Variants in TMPRSS13 observed in about 807,000 individuals in gnomAD.
TMPRSS13 encodes transmembrane serine protease 13, also known as transmembrane protease serine 13.
A neutral mutation model predicts 68.4 loss-of-function variants in TMPRSS13; 50 were observed. That is an observed-to-expected ratio of 0.73 (90% CI 0.58 to 0.93). TMPRSS13 has a LOEUF of 0.93. TMPRSS13 is among the 40% of genes least tolerant of loss of function. The pLI, the probability that TMPRSS13 is intolerant of heterozygous loss-of-function variation, is 0.00. For missense variants in TMPRSS13, 615 were observed against 729.2 expected (o/e 0.84, Z 1.80); for synonymous variants, 267 against 285.8 (o/e 0.93, Z 0.66).
rs149111388 is a variant in TMPRSS13, at chr11:117,924,716, G to A, written c.21+4571C>T. ...TGGGTGACTTTTTTCCCTTTCTCAC[G>A]GCTAGACCCAGGCTTCACTGTACCT... On this transcript the variant is annotated intron_variant, in intron 1 of 12. Transcript: ENST00000524993. 3.2e-3 allele frequency among the ~76,000 whole-genome samples: 486 copies of A among 152,102 alleles called. 2 individuals are homozygous for A. Among genetic ancestry groups the A allele is most frequent in the Middle Eastern group, 0.017 (5 of 294 alleles).
At position 117,903,955 on chromosome 11, in the gene TMPRSS13, T is replaced by G. The variant is rs377543493; in HGVS notation, c.1524+4A>C. 43 of 1,610,612 alleles carry G rather than the reference T, an allele frequency of 2.7e-5. No individual in the cohort carries two copies. Among genetic ancestry groups the G allele is most frequent in the Middle Eastern group, 1.7e-4 (1 of 6,054 alleles). On this transcript the variant is annotated splice_donor_region_variant and intron_variant, in intron 11 of 12. Transcript: ENST00000524993. The stretch of plus-strand genomic sequence containing the variant: ...ACCTGAGCCCCACCCACAGGTACCC[T>G]CACCTGGCAGGAGTCTCTGCCCCCA...
intron 1 of TMPRSS13, among the ~76,000 whole-genome samples, chr11:117,925,701 G>A (rs2057698444): frequency 6.6e-6 from 1 of 152,208 alleles, no homozygotes; most frequent in African/African-American, 2.4e-5. Flanking sequence ...CCTCATGCCT[G>A]CACCACCAGT....
At position 117,918,839 on chromosome 11, in the gene TMPRSS13, C is replaced by T. The variant is rs753098191; in HGVS notation, c.22-1G>A. 8 of 1,613,406 alleles carry T rather than the reference C, an allele frequency of 5.0e-6. No individual in the cohort carries two copies. The Admixed American group carries it at 1.3e-4, about 27-fold the overall frequency. On this transcript the variant is annotated splice_acceptor_variant, in intron 1 of 12. Coordinates refer to ENST00000524993, the MANE Select transcript of TMPRSS13 (RefSeq NM_001077263.3). LOFTEE classifies it high-confidence loss of function. ...AAGGTGTTCTTGCTGGAGATGCATT[C>T]TGAAAGCAGATCGAAGAGTATCCCA...
chr11:117,918,322 A>T, intron 2 of TMPRSS13, 87 bp downstream of exon 2: 3 of 1,429,962 alleles, frequency 2.1e-6, no homozygotes, highest in Non-Finnish European at 2.9e-6. Flanking sequence ...GTCTGCTATG[A>T]GAGCAGAGCA....
intron 3 of TMPRSS13, 88 bp downstream of exon 3, chr11:117,917,082 A>G (rs1591626083): frequency 9.2e-6 from 10 of 1,085,242 alleles, no homozygotes; most frequent in Non-Finnish European, 1.1e-5. Context: ...TGCTCCCCAC[A>G]CCTGTCTCCC....
At chr11:117,923,285 C>T (rs1014883967) in intron 1 of TMPRSS13, among the ~76,000 whole-genome samples, 7 of 152,196 alleles carry the variant, frequency 4.6e-5, no homozygotes, top group African/African-American at 1.2e-4. Flanking sequence ...CCCCCTGAGG[C>T]GAATGGGATG....
At position 117,921,311 on chromosome 11, in the gene TMPRSS13, C is replaced by T. The variant is rs116387818; in HGVS notation, c.22-2473G>A. Among the ~76,000 whole-genome samples, 855 of 152,224 alleles carry T rather than the reference C, an allele frequency of 5.6e-3. 10 individuals carry two copies. The highest frequency in any genetic ancestry group is 0.019 in the African/African-American group (795 of 41,564). On this transcript the variant is annotated intron_variant, in intron 1 of 12. Coordinates refer to ENST00000524993, the MANE Select transcript of TMPRSS13 (RefSeq NM_001077263.3). ...TATGTGATTTGATTCTCACAAGTCT[C>T]TCAGTTAGCAAGCTGGGCAGGAATT... is the stretch of plus-strand genomic sequence containing the variant.
chr11:117,907,897 G>GTGAA (rs35539867), intron 9 of TMPRSS13: 824,594 of 893,878 alleles, frequency 0.92, 381,115 homozygotes, highest in Non-Finnish European at 0.94. Context: ...TGAATGATGA[G>GTGAA]TGAATGAATG....
Position 117,903,657 on chromosome 11 carries a change from C to T in TMPRSS13, c.1675G>A (p.Glu559Lys), listed in dbSNP as rs766599638. The change falls in exon 12 of 13, where the codon GAG (glutamate) becomes AAG (lysine). Residue 559 changes from glutamate (E) to lysine (K), a missense_variant and splice_region_variant. Coordinates refer to ENST00000524993, the MANE Select transcript of TMPRSS13 (RefSeq NM_001077263.3). ...EVLPWIYSKMESEVRFRKS is the reference protein window; with the variant it reads ...EVLPWIYSKMKSEVRFRKS ...GTGTCCTGCTGCAGGGATCTTACCT[C>T]CATCTTGCTGTAAATCCAGGGAAGA... 1 of 1,614,218 alleles carries T rather than the reference C, an allele frequency of 6.2e-7. No individual in the cohort carries two copies. Among genetic ancestry groups the T allele is most frequent in the Non-Finnish European group, 8.5e-7 (1 of 1,180,034 alleles).
rs2057654151 is a variant in TMPRSS13 at position 117,922,017 on chromosome 11, C to G, written c.22-3179G>C. On this transcript the variant is annotated intron_variant, in intron 1 of 12. Coordinates refer to ENST00000524993, the MANE Select transcript of TMPRSS13 (RefSeq NM_001077263.3). The surrounding 1 kb of genome is among the most constrained non-coding windows in gnomAD (Gnocchi z 4.2). ...TCAGGGATCATCTGAGTAAGAGATT[C>G]CACACCAACCTTCTTTAGGCACTTC... Among the ~76,000 whole-genome samples the G allele has an allele frequency of 6.6e-6, 1 of 152,190 alleles. No individual in the cohort carries two copies. Among genetic ancestry groups the G allele is most frequent in the African/African-American group, 2.4e-5 (1 of 41,442 alleles).
At chr11:117,913,666 C>T (rs1277132976) in intron 5 of TMPRSS13, 111 bp downstream of exon 5, 49 of 1,402,184 alleles carry the variant, frequency 3.5e-5, no homozygotes, top group Middle Eastern at 2.0e-4. Flanking sequence ...AGATCAGCCC[C>T]GGTCCCCAAG....
rs3839950 is a variant in TMPRSS13, at chr11:117,902,072, GCA to G, written c.*165_*166del. 0.25 allele frequency: 154,315 copies of G among 610,094 alleles called. 3,187 individuals carry two copies. The highest frequency in any genetic ancestry group is 0.37 in the East Asian group (11,678 of 31,340). The allele number at this position is 610,094 out of a possible 1,614,324, so 37.8% of individuals were successfully genotyped here. A position where few individuals can be genotyped will look rare whatever the true frequency, so the allele number is the denominator to read the frequency against. ...TGGGAGAGTGGCAATGCACACATAT[GCA>G]CACACACACACACACACACACACAC... On this transcript the variant is annotated 3_prime_UTR_variant, in exon 13 of 13. Coordinates refer to ENST00000524993, the MANE Select transcript of TMPRSS13 (RefSeq NM_001077263.3).
At chr11:117,910,806 A>G in intron 6 of TMPRSS13, 56 bp from the exon 7 acceptor site, 2 of 1,523,340 alleles carry the variant, frequency 1.3e-6, no homozygotes, top group Non-Finnish European at 1.8e-6. Context: ...CTCCTCCAGG[A>G]AGCCTTCCTG....
In TMPRSS13 at chr11:117,908,829, C is replaced by T. The variant is rs569378658; in HGVS notation, c.1110-45G>A. 1.7e-5 allele frequency: 26 copies of T among 1,521,666 alleles called. 1 individual carries two copies. Among genetic ancestry groups the T allele is most frequent in the African/African-American group, 1.5e-4 (11 of 73,808 alleles). The allele number at this position is 1,521,666 out of a possible 1,614,324, so 94.3% of individuals were successfully genotyped here. A position where few individuals can be genotyped will look rare whatever the true frequency, so the allele number is the denominator to read the frequency against. On this transcript the variant is annotated intron_variant, in intron 8 of 12. Transcript: ENST00000524993. ...GCGTGGTCCAGTACCTGCCTGGCAG[C>T]GTTCACTGGCAGCCCCTGCTACCTA...
In TMPRSS13 at chr11:117,909,890, C is replaced by G. The variant is rs1242985168; in HGVS notation, c.1025G>C (p.Ser342Thr). 3 of 1,614,162 alleles carry G rather than the reference C, an allele frequency of 1.9e-6. No homozygotes were observed. Among genetic ancestry groups the G allele is most frequent in the Admixed American group, 3.3e-5 (2 of 60,036 alleles). The change falls in exon 8 of 13, where the codon AGT (serine) becomes ACT (threonine). Residue 342 changes from serine (S) to threonine (T), a missense_variant. By Grantham distance (58) the Ser-to-Thr change is moderately conservative. Coordinates refer to ENST00000524993, the MANE Select transcript of TMPRSS13 (RefSeq NM_001077263.3). Reference sequence around the variant, plus strand: ...GATGTGGGTGGTGCCGAAGTGCAGACTCACTTGCCAAGGCCACTTGCTATC... The same window carrying G: ...GATGTGGGTGGTGCCGAAGTGCAGAGTCACTTGCCAAGGCCACTTGCTATC... The part of the protein sequence containing the change: ...ASDSKWPWQV[S>T]LHFGTTHICG...
At chr11:117,927,165 C>T (rs962514995) in intron 1 of TMPRSS13, among the ~76,000 whole-genome samples, 8 of 152,206 alleles carry the variant, frequency 5.3e-5, no homozygotes, top group Non-Finnish European at 4.4e-5. Flanking sequence ...TTCTGTACCT[C>T]ACTTCCTTTT....
At chr11:117,903,834 AG>A in intron 11 of TMPRSS13, 27 bp from the exon 12 acceptor site, 1 of 1,605,978 alleles carries the variant, frequency 6.2e-7, no homozygotes, top group Middle Eastern at 1.7e-4. Flanking sequence ...GCACATTCGC[AG>A]GATGGGACAG....
In TMPRSS13 at chr11:117,918,551, C is replaced by A. The variant is rs1335385436; in HGVS notation, c.309G>T (p.Arg103Ser). Residue 103 changes from arginine to serine, a missense_variant, in exon 2 of 13, where the codon AGG becomes AGT. Coordinates refer to ENST00000524993, the MANE Select transcript of TMPRSS13 (RefSeq NM_001077263.3). ...CCGAGGCTGACCTGGCGGATGATGACCTGCCGGATGAGGACCTGGAAAGTG... is the reference window on the plus strand; with the variant it reads ...CCGAGGCTGACCTGGCGGATGATGAACTGCCGGATGAGGACCTGGAAAGTG... ...LASLSRSSSG[R>S]SSSARSASVT... The A allele has an allele frequency of 1.2e-6, 2 of 1,614,232 alleles. No homozygotes were observed. Among genetic ancestry groups the A allele is most frequent in the South Asian group, 1.1e-5 (1 of 91,088 alleles).
chr11:117,911,374 G>C (rs1038333494), intron 6 of TMPRSS13, among the ~76,000 whole-genome samples: 1 of 152,164 alleles, frequency 6.6e-6, no homozygotes, highest in Admixed American at 6.5e-5. Context: ...AATGGGCCGA[G>C]TAGAGGAGCG....
Sources: gnomAD v4.1 joint callset for allele counts (sites outside exome capture counted in the v4.1 genomes callset) on GRCh38, gnomAD v4.1.1 for gene constraint, Gnocchi (gnomAD v3.1) non-coding constraint, MANE v1.5 for transcripts, NCBI Gene and HGNC (gene_info 2026-07-23, HGNC 2026-07-21) for gene names.